RNASET2: variants seen among roughly 807,000 people sequenced by gnomAD.
RNASET2 encodes the protein ribonuclease T2.
Under a neutral mutation model 33.9 loss-of-function variants are expected in RNASET2, and 28 were observed. That is an observed-to-expected ratio of 0.83 (90% CI 0.61 to 1.13). The LOEUF (loss-of-function observed/expected upper bound fraction) is 1.13, where lower values mean the gene tolerates loss of function less well. Ranked by LOEUF, RNASET2 falls within the 50% of genes most tolerant of loss-of-function variation. The pLI is 0.00. For synonymous variants in RNASET2, 123 were observed against 121.0 expected (o/e 1.02, Z -0.11); for missense variants, 330 against 319.9 (o/e 1.03, Z -0.24).
intron 8 of RNASET2, among the ~76,000 whole-genome samples, chr6:166,930,566 C>T (rs1317807815): frequency 2.0e-5 from 3 of 148,288 alleles, no homozygotes; most frequent in Admixed American, 6.7e-5. Flanking sequence ...ACACAGAGAA[C>T]ATGCACACAC....
chr6:166,948,969 C>T (rs1253427722), intron 2 of RNASET2, among the ~76,000 whole-genome samples: 1 of 152,168 alleles, frequency 6.6e-6, no homozygotes, highest in Non-Finnish European at 1.5e-5. Context: ...AATCCCAGCA[C>T]TTTGGGAGGC....
intron 4 of RNASET2, 186 bp from the exon 5 acceptor site, chr6:166,943,275 T>A: frequency 1.9e-6 from 1 of 525,620 alleles, no homozygotes. Flanking sequence ...CAAGTGCAAT[T>A]TGAGTAATCA....
intron 8 of RNASET2, among the ~76,000 whole-genome samples, chr6:166,930,817 C>A (rs1469016526): frequency 6.6e-6 from 1 of 150,722 alleles, no homozygotes; most frequent in East Asian, 2.0e-4. Flanking sequence ...CACACACATG[C>A]ACACATAGCA....
chr6:166,948,458 G>T, intron 3 of RNASET2, 112 bp downstream of exon 3: 1 of 767,992 alleles, frequency 1.3e-6, no homozygotes, highest in South Asian at 1.4e-5. Context: ...CTAGTCTATT[G>T]GATAAACTCC....
At chr6:166,956,057 G>A (rs1488963522) in intron 1 of RNASET2, 40 bp downstream of exon 1, 12 of 1,528,172 alleles carry the variant, frequency 7.9e-6, no homozygotes, top group African/African-American at 1.4e-5. Flanking sequence ...TCTAGGGCCC[G>A]GCTCCCACGC....
rs115369879 is a variant in RNASET2 at position 166,923,148 on chromosome 6, G to A, written c.*6440C>T. 9.0e-3 allele frequency among the ~76,000 whole-genome samples: 1,371 copies of A among 151,806 alleles called. 19 individuals are homozygous for A. The highest frequency in any genetic ancestry group is 0.028 in the African/African-American group (1,141 of 41,278). On this transcript the variant is annotated 3_prime_UTR_variant, in exon 9 of 9. Coordinates refer to ENST00000508775, the MANE Select transcript of RNASET2 (RefSeq NM_003730.6). ...TGTTGCCCAGGCTGGAGGGTGGAGC[G>A]CAGTGGCGCAATCTCCACTCACTGC...
intron 2 of RNASET2, among the ~76,000 whole-genome samples, chr6:166,950,049 C>T (rs1159897750): frequency 6.6e-6 from 1 of 152,210 alleles, no homozygotes; most frequent in Non-Finnish European, 1.5e-5. Context: ...AGCCTCAAGG[C>T]AAAGATGTGC....
chr6:166,936,282 A>G (rs942293528), intron 6 of RNASET2, among the ~76,000 whole-genome samples: 6 of 152,248 alleles, frequency 3.9e-5, no homozygotes, highest in African/African-American at 1.2e-4. Context: ...ATCTACAGCA[A>G]TGGCAGGGCA....
rs1280635814 is a variant in RNASET2, at chr6:166,943,093, T to G, written c.262-4A>C. ...CCCTCATTTCTGGCAAAAGATCCTA[T>G]GCATTAAAAAATAAAATAAGTCTAC... On this transcript the variant is annotated splice_polypyrimidine_tract_variant and splice_region_variant and intron_variant, in intron 4 of 8. Coordinates refer to ENST00000508775, the MANE Select transcript of RNASET2 (RefSeq NM_003730.6). The G allele has an allele frequency of 1.2e-6, 2 of 1,610,586 alleles. No homozygotes were observed. Among genetic ancestry groups the G allele is most frequent in the South Asian group, 1.1e-5 (1 of 90,770 alleles).
chr6:166,936,695 C>T (rs1298233111), intron 6 of RNASET2, among the ~76,000 whole-genome samples: 1 of 152,204 alleles, frequency 6.6e-6, no homozygotes, highest in Non-Finnish European at 1.5e-5. Flanking sequence ...AGGGATCCTT[C>T]CCCGCAGCTC....
Position 166,955,399 on chromosome 6 carries a change from A to G in RNASET2, c.86+698T>C, listed in dbSNP as rs573975134. 5.8e-4 allele frequency: 340 copies of G among 590,180 alleles called. 21 individuals are homozygous for G. In the East Asian group the frequency reaches 7.9e-3, roughly 14 times the overall value. 36.6% of individuals were successfully genotyped at this position (590,180 alleles called of 1,614,324 possible). ...CGCACACGCACACACACACACGCGC[A>G]CACACACACGCGCACACACACACAC... is the stretch of plus-strand genomic sequence containing the variant. On this transcript the variant is annotated intron_variant, in intron 1 of 8. Coordinates refer to ENST00000508775, the MANE Select transcript of RNASET2 (RefSeq NM_003730.6).
At chr6:166,930,998 C>T (rs1171665996) in intron 8 of RNASET2, 46 bp downstream of exon 8, 1 of 1,335,952 alleles carries the variant, frequency 7.5e-7, no homozygotes, top group Admixed American at 1.7e-5. Flanking sequence ...AAAAGTAGAA[C>T]CTGTCTTCTT....
At chr6:166,940,781 G>A (rs971662432) in intron 5 of RNASET2, among the ~76,000 whole-genome samples, 6 of 151,306 alleles carry the variant, frequency 4.0e-5, no homozygotes, top group African/African-American at 7.3e-5. Flanking sequence ...TCACCAATGC[G>A]AAGTGACTCA....
At position 166,933,968 on chromosome 6, in the gene RNASET2, C is replaced by T; in HGVS notation, c.492+123G>A. On this transcript the variant is annotated intron_variant, in intron 7 of 8. Coordinates refer to ENST00000508775, the MANE Select transcript of RNASET2 (RefSeq NM_003730.6). This position sits in a 1 kb window ranked among gnomAD's most constrained non-coding sequence, Gnocchi z 4.1. Reference sequence around the variant, plus strand: ...CAAATAAAATCTGTTCACATGATAACATTTAAGTAGGAAGGGGGTTTGCAC... The same window carrying T: ...CAAATAAAATCTGTTCACATGATAATATTTAAGTAGGAAGGGGGTTTGCAC... The T allele has an allele frequency of 1.3e-6, 1 of 789,162 alleles. No homozygotes were observed. Among genetic ancestry groups the T allele is most frequent in the South Asian group, 1.4e-5 (1 of 73,610 alleles). The allele number at this position is 789,162 out of a possible 1,614,324, so 48.9% of individuals were successfully genotyped here.
intron 3 of RNASET2, 192 bp downstream of exon 3, chr6:166,948,378 G>T: frequency 3.0e-6 from 2 of 656,390 alleles, no homozygotes; most frequent in East Asian, 2.9e-5. Flanking sequence ...ATTGTTCTAT[G>T]AAGACAGAAT....
Position 166,952,555 on chromosome 6 carries a change from A to T in RNASET2, c.87-7T>A. The T allele has an allele frequency of 6.2e-7, 1 of 1,607,538 alleles. No individual in the cohort carries two copies. The highest frequency in any genetic ancestry group is 8.5e-7 in the Non-Finnish European group (1 of 1,173,896). On this transcript the variant is annotated splice_region_variant and splice_polypyrimidine_tract_variant and intron_variant, in intron 1 of 8. Transcript: ENST00000508775. Reference sequence around the variant, plus strand: ...TTTCCACTCATGGTTGTCACTGTTAAAACATAAGAAACTTATTTTTCAAGA... The same window carrying T: ...TTTCCACTCATGGTTGTCACTGTTATAACATAAGAAACTTATTTTTCAAGA...
rs1166465057 is a variant in RNASET2, at chr6:166,925,631, T to G, written c.*3957A>C. Among the ~76,000 whole-genome samples, 2 of 152,188 alleles carry G rather than the reference T, an allele frequency of 1.3e-5. No homozygotes were observed. The highest frequency in any genetic ancestry group is 2.9e-5 in the Non-Finnish European group (2 of 68,032). On this transcript the variant is annotated 3_prime_UTR_variant, in exon 9 of 9. Transcript: ENST00000508775. ...ATCTACACTGTACGGCCCTCCCCTG[T>G]GCCATCCAGCTGGCATCTTCTATGT... is the stretch of plus-strand genomic sequence containing the variant.
chr6:166,943,588 G>A (rs1010942370), intron 4 of RNASET2: 11 of 340,204 alleles, frequency 3.2e-5, no homozygotes, highest in African/African-American at 2.2e-4. Context: ...TAGGGCCAGC[G>A]GCTGCTCCAG....
At chr6:166,930,857 A>T (rs566374718) in intron 8 of RNASET2, among the ~76,000 whole-genome samples, 187 bp downstream of exon 8, 1 of 151,194 alleles carries the variant, frequency 6.6e-6, no homozygotes, top group African/African-American at 2.4e-5. Context: ...ACACACATGC[A>T]CACACAGCAC....
Sources: gnomAD v4.1 joint callset for allele counts (sites outside exome capture counted in the v4.1 genomes callset) on GRCh38, gnomAD v4.1.1 for gene constraint, Gnocchi (gnomAD v3.1) non-coding constraint, MANE v1.5 for transcripts, NCBI Gene and HGNC (gene_info 2026-07-23, HGNC 2026-07-21) for gene names.